PRSS23: variants seen among roughly 807,000 people sequenced by gnomAD.
PRSS23 encodes serine protease 23.
Under a neutral mutation model 34.7 loss-of-function variants are expected in PRSS23, and 25 were observed. The ratio of observed to expected loss-of-function variants is 0.72; its 90% CI spans 0.53 to 1.01. The LOEUF (loss-of-function observed/expected upper bound fraction) is 1.01. Ranked by LOEUF, PRSS23 falls within the 50% of genes least tolerant of loss-of-function variation. The probability of loss-of-function intolerance (pLI) is 0.00; values close to 1 mark genes in which losing one functional copy is unlikely to be tolerated. For missense variants in PRSS23, 445 were observed against 475.6 expected, an observed-to-expected ratio of 0.94 and a Z score of 0.60; for synonymous variants, 176 against 186.6, an observed-to-expected ratio of 0.94 and a Z score of 0.46.
intron 2 of PRSS23, among the ~76,000 whole-genome samples, chr11:86,851,959 A>G (rs1948533510): frequency 6.6e-6 from 1 of 152,162 alleles, no homozygotes; most frequent in Admixed American, 6.5e-5. Context: ...CCCCCACCAC[A>G]ACCAAGAACA....
intron 2 of PRSS23, among the ~76,000 whole-genome samples, chr11:86,887,945 G>A (rs576723633): frequency 5.3e-5 from 8 of 151,830 alleles, no homozygotes; most frequent in Admixed American, 2.6e-4. Flanking sequence ...CCAGCTACTC[G>A]GGAGGCTGAG....
chr11:86,894,889 T>G (rs917010432), intron 2 of PRSS23, among the ~76,000 whole-genome samples: 2 of 152,212 alleles, frequency 1.3e-5, no homozygotes, highest in Admixed American at 6.5e-5. Context: ...TTAATGCTCA[T>G]AGCTTCTAGT....
chr11:86,803,381 A>G (rs1415153853), intron 1 of PRSS23, among the ~76,000 whole-genome samples: 1 of 152,208 alleles, frequency 6.6e-6, no homozygotes, highest in Non-Finnish European at 1.5e-5. Context: ...TTTTCATTAC[A>G]TCTGTTTATA....
intron 2 of PRSS23, among the ~76,000 whole-genome samples, chr11:86,885,799 G>A (rs1006303342): frequency 1.3e-5 from 2 of 152,126 alleles, no homozygotes; most frequent in Admixed American, 1.3e-4. Context: ...TGGTCCTGTT[G>A]CTCTGGAGAA....
chr11:86,879,335 C>A (rs1948751559), intron 2 of PRSS23, among the ~76,000 whole-genome samples: 1 of 146,404 alleles, frequency 6.8e-6, no homozygotes, highest in Non-Finnish European at 1.5e-5. Context: ...AGTGAGGAGA[C>A]CCTCTGCCTG....
chr11:86,926,615 G>C (rs547173493), intron 2 of PRSS23, among the ~76,000 whole-genome samples: 3 of 152,250 alleles, frequency 2.0e-5, no homozygotes, highest in East Asian at 3.9e-4. Context: ...ACTTCTCCAG[G>C]GGGTATTGTC....
intron 2 of PRSS23, chr11:86,951,179 C>G (rs1949287573): frequency 6.2e-7 from 1 of 1,614,042 alleles, no homozygotes; most frequent in East Asian, 2.2e-5. Flanking sequence ...AGGCTTCACC[C>G]AACCATTTCC....
chr11:86,915,079 A>T (rs1304657602), intron 2 of PRSS23, among the ~76,000 whole-genome samples: 1 of 152,170 alleles, frequency 6.6e-6, no homozygotes, highest in Non-Finnish European at 1.5e-5. Flanking sequence ...GGAACCATCA[A>T]TCGCATCAGT....
intron 2 of PRSS23, among the ~76,000 whole-genome samples, chr11:86,927,636 T>C (rs1328998042): frequency 6.6e-6 from 1 of 152,174 alleles, no homozygotes; most frequent in Non-Finnish European, 1.5e-5. Flanking sequence ...CATAAGCCAC[T>C]GTGCCCGGCC....
rs777299607 is a variant in PRSS23 at position 86,807,920 on chromosome 11, A to G, written c.277A>G (p.Asn93Asp). ...TCTGTCTTATGAAACGCTCTATGCC[A>G]ATGGCAGCCGCACAGAGACGCAGGT... ...QYLSYETLYANGSRTETQVGI... is the reference protein window; with the variant it reads ...QYLSYETLYADGSRTETQVGI... The change falls in exon 2 of 2, where the codon AAT becomes GAT. Residue 93 changes from asparagine (N) to aspartate (D), a missense_variant. Coordinates refer to ENST00000280258, the MANE Select transcript of PRSS23 (RefSeq NM_007173.6). 6.2e-7 allele frequency: 1 copy of G among 1,614,182 alleles called. No individual in the cohort carries two copies. Among genetic ancestry groups the G allele is most frequent in the Non-Finnish European group, 8.5e-7 (1 of 1,180,040 alleles).
At chr11:86,925,955 GTGAC>G (rs1465749052) in intron 2 of PRSS23, among the ~76,000 whole-genome samples, 1 of 152,196 alleles carries the variant, frequency 6.6e-6, no homozygotes, top group African/African-American at 2.4e-5. Context: ...AATGAGTTGA[GTGAC>G]TGAGCCTCAG....
chr11:86,939,403 AATAT>A (rs1555083965), intron 2 of PRSS23, among the ~76,000 whole-genome samples: 2,003 of 80,542 alleles, frequency 0.025, 67 homozygotes, highest in African/African-American at 0.063. Flanking sequence ...TAAAAAAAAA[AATAT>A]ATATATATAT....
chr11:86,912,048 A>G (rs1389533750), intron 2 of PRSS23: 1 of 152,176 alleles, frequency 6.6e-6, no homozygotes, highest in African/African-American at 2.4e-5. Flanking sequence ...AAGTGTTGGG[A>G]TTACAGGCAT....
intron 2 of PRSS23, among the ~76,000 whole-genome samples, chr11:86,842,550 C>A (rs1948456547): frequency 6.6e-6 from 1 of 152,214 alleles, no homozygotes; most frequent in African/African-American, 2.4e-5. Flanking sequence ...AGCCCAAAAT[C>A]TCCCTAAGCT....
intron 2 of PRSS23, among the ~76,000 whole-genome samples, chr11:86,893,488 C>A (rs1948854830): frequency 6.6e-6 from 1 of 152,168 alleles, no homozygotes; most frequent in Non-Finnish European, 1.5e-5. Context: ...CATTGTTCTG[C>A]TATGTCTCTC....
intron 1 of PRSS23, among the ~76,000 whole-genome samples, chr11:86,822,864 G>A (rs1401955051): frequency 1.3e-5 from 2 of 152,176 alleles, no homozygotes; most frequent in South Asian, 4.1e-4. Context: ...TACAAAATCG[G>A]TGTTTCCTTC....
intron 2 of PRSS23, among the ~76,000 whole-genome samples, chr11:86,853,817 T>G (rs1948548988): frequency 6.6e-6 from 1 of 152,216 alleles, no homozygotes; most frequent in African/African-American, 2.4e-5. Context: ...CTATTTTCCC[T>G]GTTCCTGCAC....
chr11:86,913,355 C>G (rs1209583918), intron 2 of PRSS23, among the ~76,000 whole-genome samples: 1 of 144,386 alleles, frequency 6.9e-6, no homozygotes, highest in Admixed American at 6.8e-5. Flanking sequence ...TCTTGTCTAG[C>G]GTTTGTTTTT....
intron 2 of PRSS23, among the ~76,000 whole-genome samples, chr11:86,932,418 C>A (rs564765948): frequency 6.6e-6 from 1 of 152,254 alleles, no homozygotes; most frequent in South Asian, 2.1e-4. Flanking sequence ...ATCAGTGACA[C>A]GGCCACCCAG....
Sources: allele counts gnomAD v4.1 joint callset (sites outside exome capture counted in the v4.1 genomes callset), GRCh38; gene constraint gnomAD v4.1.1; transcripts MANE v1.5; gene names NCBI Gene and HGNC (gene_info 2026-07-23, HGNC 2026-07-21).